CLEC16A: variants seen among roughly 807,000 people sequenced by gnomAD.
CLEC16A encodes protein CLEC16A.
Under a neutral mutation model 109.5 loss-of-function variants are expected in CLEC16A, and 51 were observed. The observed-to-expected ratio is 0.47, with a 90% CI of 0.37 to 0.59. The LOEUF (loss-of-function observed/expected upper bound fraction) is 0.59, where lower values mean the gene tolerates loss of function less well. Among genes scored for constraint, CLEC16A ranks in the 20% least tolerant of loss-of-function variants. The pLI is 0.00. For synonymous variants in CLEC16A, 673 were observed against 564.2 expected (o/e 1.19, Z -2.73); for missense variants, 1,339 against 1,394.0 (o/e 0.96, Z 0.63).
chr16:11,068,927 G>A (rs930691859), intron 19 of CLEC16A, among the ~76,000 whole-genome samples: 1 of 151,666 alleles, frequency 6.6e-6, no homozygotes, highest in African/African-American at 2.4e-5. Context: ...CAATTCTCAT[G>A]TGTCAGCCTC....
rs2043075351 is a variant in CLEC16A at position 10,977,267 on chromosome 16, C to T, written c.771C>T (p.His257=). Residue 257 remains histidine, a synonymous_variant, in exon 8 of 24, where the codon CAC becomes CAT. Transcript: ENST00000409790. ...RGKLSDLVAE[H]LDHLHYLNDI... is the part of the protein sequence containing the mutation. The stretch of plus-strand genomic sequence containing the variant: ...AACTGAGTGATCTGGTGGCAGAGCA[C>T]CTAGACCACCTGCACTATCTCAATG... 1.2e-6 allele frequency: 2 copies of T among 1,613,998 alleles called. No homozygotes were observed. Among genetic ancestry groups the T allele is most frequent in the Non-Finnish European group, 1.7e-6 (2 of 1,179,884 alleles).
At chr16:11,127,986 A>T (rs774081619) in intron 22 of CLEC16A, among the ~76,000 whole-genome samples, 34 of 152,226 alleles carry the variant, frequency 2.2e-4, no homozygotes, top group Non-Finnish European at 4.9e-4. Context: ...TTCTTTGCTT[A>T]AAAAATTCTG....
intron 3 of CLEC16A, among the ~76,000 whole-genome samples, chr16:10,965,694 C>G (rs774748718): frequency 6.6e-6 from 1 of 152,204 alleles, no homozygotes; most frequent in African/African-American, 2.4e-5. Context: ...ACTGAGATTA[C>G]GTACAGGCTC....
chr16:11,159,896 A>G (rs2054660459), intron 22 of CLEC16A, among the ~76,000 whole-genome samples: 1 of 152,160 alleles, frequency 6.6e-6, no homozygotes. Context: ...CTTGGGTTTT[A>G]AAATATAACA....
intron 22 of CLEC16A, among the ~76,000 whole-genome samples, chr16:11,127,154 T>G (rs74009917): frequency 6.6e-6 from 1 of 152,334 alleles, no homozygotes; most frequent in African/African-American, 2.4e-5. Flanking sequence ...TCCAGAAATA[T>G]TTCTTTGTAT....
chr16:11,173,385 T>C (rs530925680), intron 23 of CLEC16A, among the ~76,000 whole-genome samples: 1 of 152,286 alleles, frequency 6.6e-6, no homozygotes, highest in Non-Finnish European at 1.5e-5. Flanking sequence ...AGAGTGTGGT[T>C]TCTCCCTTCG....
At chr16:11,102,184 G>A (rs9941107) in intron 19 of CLEC16A, among the ~76,000 whole-genome samples, 68,228 of 151,958 alleles carry the variant, frequency 0.45, 15,546 homozygotes, top group African/African-American at 0.53. Context: ...TGGCTGAAAC[G>A]TAGTTTAAAT....
At chr16:11,080,676 T>C (rs2049654856) in intron 19 of CLEC16A, among the ~76,000 whole-genome samples, 1 of 152,230 alleles carries the variant, frequency 6.6e-6, no homozygotes, top group African/African-American at 2.4e-5. Context: ...GAATCTGTTT[T>C]CTTGCCTTTT....
At chr16:10,972,065 A>G (rs2042816739) in intron 5 of CLEC16A, among the ~76,000 whole-genome samples, 1 of 152,248 alleles carries the variant, frequency 6.6e-6, no homozygotes, top group African/African-American at 2.4e-5. Context: ...AGGGGTCGCA[A>G]ACTGAGGACC....
intron 13 of CLEC16A, among the ~76,000 whole-genome samples, chr16:11,037,373 G>A (rs1243611396): frequency 1.3e-5 from 2 of 152,196 alleles, no homozygotes; most frequent in Non-Finnish European, 2.9e-5. Flanking sequence ...ACAACTCTGG[G>A]CCTTAACTTC....
intron 22 of CLEC16A, among the ~76,000 whole-genome samples, chr16:11,144,274 G>T (rs2053961292): frequency 1.3e-5 from 2 of 152,236 alleles, no homozygotes; most frequent in Admixed American, 1.3e-4. Context: ...CGTCCCTGCA[G>T]CCTGCAGCTG....
chr16:11,073,047 G>T (rs1375453100), intron 19 of CLEC16A, among the ~76,000 whole-genome samples: 1 of 152,206 alleles, frequency 6.6e-6, no homozygotes, highest in African/African-American at 2.4e-5. Context: ...TTTAGTTCAA[G>T]CATCCAGGCA....
rs1165523580 is a variant in CLEC16A at position 11,058,139 on chromosome 16, A to C, written c.1996-2763A>C. On this transcript the variant is annotated intron_variant, in intron 18 of 23. Coordinates refer to ENST00000409790, the MANE Select transcript of CLEC16A (RefSeq NM_015226.3). ...CCATGGGAGCCCAGGTTTTGCCTCG[A>C]GTGGAGCTCCCCGCCCTGTGGGAAT... is the stretch of plus-strand genomic sequence containing the variant. Among the ~76,000 whole-genome samples the C allele has an allele frequency of 1.3e-5, 2 of 152,204 alleles. 1 individual carries two copies. The highest frequency in any genetic ancestry group is 2.9e-5 in the Non-Finnish European group (2 of 68,046).
chr16:11,093,100 G>A (rs79914869), intron 19 of CLEC16A, among the ~76,000 whole-genome samples: 1 of 152,174 alleles, frequency 6.6e-6, no homozygotes, highest in Non-Finnish European at 1.5e-5. Flanking sequence ...CCACTTCCCT[G>A]CTGGCTCCTA....
chr16:11,106,202 C>A (rs780120440), intron 19 of CLEC16A, among the ~76,000 whole-genome samples: 5 of 152,170 alleles, frequency 3.3e-5, no homozygotes, highest in African/African-American at 7.2e-5. Context: ...TATTTTGAAA[C>A]CTTCCAAGCA....
intron 19 of CLEC16A, among the ~76,000 whole-genome samples, chr16:11,109,685 G>A (rs570999119): frequency 1.3e-5 from 2 of 152,174 alleles, no homozygotes; most frequent in Admixed American, 6.5e-5. Context: ...TCCCTCACAC[G>A]TGCAGCCACG....
In CLEC16A at chr16:11,132,525, C is replaced by T. The variant is rs894272196; in HGVS notation, c.2641+6379C>T. Among the ~76,000 whole-genome samples the T allele has an allele frequency of 3.9e-5, 6 of 152,132 alleles. No homozygotes were observed. The South Asian group carries it at 8.3e-4, about 21-fold the overall frequency. On this transcript the variant is annotated intron_variant, in intron 22 of 23. Transcript: ENST00000409790. ...GAATGGGTTGCTGCGAACATTCGTG[C>T]ACAAGCTTTTGTTTGAACGCCTGTT...
intron 1 of CLEC16A, among the ~76,000 whole-genome samples, chr16:10,957,151 C>T (rs1266069385): frequency 2.6e-5 from 4 of 152,186 alleles, no homozygotes; most frequent in African/African-American, 7.2e-5. Context: ...AAGACCATTG[C>T]CCTTGGGCTG....
chr16:11,060,524 G>A (rs2048423315), intron 18 of CLEC16A, among the ~76,000 whole-genome samples: 1 of 152,206 alleles, frequency 6.6e-6, no homozygotes, highest in African/African-American at 2.4e-5. Flanking sequence ...TGGAAGCATG[G>A]CCTGGGCAGG....
Sources: allele counts gnomAD v4.1 joint callset (sites outside exome capture counted in the v4.1 genomes callset), GRCh38; gene constraint gnomAD v4.1.1; transcripts MANE v1.5; gene names NCBI Gene and HGNC (gene_info 2026-07-23, HGNC 2026-07-21).